The following KCNC2 variants were observed in gnomAD, a reference collection of about 807,000 sequenced individuals.
KCNC2 encodes potassium voltage-gated channel subfamily C member 2.
KCNC2 carries 21 observed loss-of-function variants against 44.5 expected under a neutral mutation model. The ratio of observed to expected loss-of-function variants is 0.47; its 90% confidence interval spans 0.33 to 0.68. The LOEUF is 0.68. Ranked by LOEUF, KCNC2 falls within the 30% of genes least tolerant of loss-of-function variation. KCNC2 has a pLI of 0.01. For missense variants in KCNC2, 589 were observed against 826.2 expected (o/e 0.71, Z 3.52); for synonymous variants, 391 against 339.1 (o/e 1.15, Z -1.68).
At chr12:75,043,324 G>A (rs1207944856) in intron 4 of KCNC2, 83 bp from the exon 5 acceptor site, 3 of 1,520,530 alleles carry the variant, frequency 2.0e-6, no homozygotes, top group African/African-American at 2.8e-5. Flanking sequence ...GCAATCAAAA[G>A]TGCTACTTTC....
intron 2 of KCNC2, among the ~76,000 whole-genome samples, chr12:75,199,396 T>TAC (rs2031051682): frequency 6.6e-6 from 1 of 151,812 alleles, no homozygotes; most frequent in Non-Finnish European, 1.5e-5. Context: ...TGATCAACTT[T>TAC]CAGGAAAGAA....
In KCNC2 at chr12:75,207,400, G is replaced by T. The variant is rs1264002756; in HGVS notation, c.584C>A (p.Ala195Glu). ...LAAKRLGIED[A>E]AGLGGPDGKS... Reference sequence around the variant, plus strand: ...GCCGTCGGGGCCCCCGAGCCCCGCCGCGTCCTCGATGCCCAGCCTCTTGGC... The same window carrying T: ...GCCGTCGGGGCCCCCGAGCCCCGCCTCGTCCTCGATGCCCAGCCTCTTGGC... The change falls in exon 2 of 5, where the codon GCG becomes GAG. Residue 195 changes from alanine (A) to glutamate (E), a missense_variant. Physicochemically the swap from Ala to Glu is moderately radical, Grantham distance 107. Coordinates refer to ENST00000549446, the MANE Select transcript of KCNC2 (RefSeq NM_139137.4). The surrounding 1 kb of genome is among the most constrained non-coding windows in gnomAD (Gnocchi z 4.1). 5 of 1,592,174 alleles carry T rather than the reference G, an allele frequency of 3.1e-6. No individual in the cohort carries two copies. The highest frequency in any genetic ancestry group is 2.3e-5 in the East Asian group (1 of 43,772).
chr12:75,185,183 T>A (rs569954869), intron 2 of KCNC2, among the ~76,000 whole-genome samples: 9 of 152,314 alleles, frequency 5.9e-5, no homozygotes, highest in African/African-American at 1.9e-4. Context: ...TATATTTAAT[T>A]AGGTAGTAGA....
At chr12:75,145,412 A>C (rs79391673) in intron 2 of KCNC2, among the ~76,000 whole-genome samples, 17,343 of 152,050 alleles carry the variant, frequency 0.11, 1,136 homozygotes, top group African/African-American at 0.16. Flanking sequence ...GTTTATTTAC[A>C]TGCTGGGTCT....
At chr12:75,118,053 A>G (rs1565869587) in intron 2 of KCNC2, among the ~76,000 whole-genome samples, 1 of 152,180 alleles carries the variant, frequency 6.6e-6, no homozygotes, top group Non-Finnish European at 1.5e-5. Flanking sequence ...TCATTTTTGT[A>G]ACTCAGTCCT....
intron 2 of KCNC2, among the ~76,000 whole-genome samples, chr12:75,154,859 A>G (rs143193916): frequency 0.016 from 2,477 of 152,160 alleles, 73 homozygotes; most frequent in African/African-American, 0.055. Context: ...TACAATAGTT[A>G]CAACACAGCA....
chr12:75,151,502 G>GAGAAAT (rs979326763), intron 2 of KCNC2, among the ~76,000 whole-genome samples: 65 of 151,964 alleles, frequency 4.3e-4, no homozygotes, highest in Middle Eastern at 3.4e-3. Context: ...AAAATTTTAA[G>GAGAAAT]AGAAATGAAT....
Position 75,050,947 on chromosome 12 carries a change from A to G in KCNC2, c.1058T>C (p.Val353Ala). The change falls in exon 3 of 5, where the codon GTG (valine) becomes GCG (alanine). Residue 353 changes from valine (V) to alanine (A), a missense_variant. Transcript: ENST00000549446. ...VLGFLRVVRFVRILRIFKLTR... is the reference protein window; with the variant it reads ...VLGFLRVVRFARILRIFKLTR... Reference sequence around the variant, plus strand: ...GAGCTTGAAAATTCTCAGGATCCTCACAAACCTTACCACCCTGAGGAAGCC... The same window carrying G: ...GAGCTTGAAAATTCTCAGGATCCTCGCAAACCTTACCACCCTGAGGAAGCC... The G allele has an allele frequency of 6.2e-7, 1 of 1,613,744 alleles. No homozygotes were observed. Among genetic ancestry groups the G allele is most frequent in the Non-Finnish European group, 8.5e-7 (1 of 1,179,888 alleles).
chr12:75,073,424 C>T (rs1322084252), intron 2 of KCNC2, among the ~76,000 whole-genome samples: 1 of 152,164 alleles, frequency 6.6e-6, no homozygotes, highest in Non-Finnish European at 1.5e-5. Flanking sequence ...TGTATCTTCT[C>T]ACTTCTTGAG....
intron 2 of KCNC2, among the ~76,000 whole-genome samples, chr12:75,135,832 T>G (rs933836261): frequency 6.6e-6 from 1 of 152,048 alleles, no homozygotes; most frequent in African/African-American, 2.4e-5. Context: ...AATCTTTAAT[T>G]GTGTGCTATG....
chr12:75,202,930 CA>C (rs2031404540), intron 2 of KCNC2, among the ~76,000 whole-genome samples: 1 of 151,276 alleles, frequency 6.6e-6, no homozygotes, highest in African/African-American at 2.4e-5. Flanking sequence ...TCATTGAAGG[CA>C]AAGGATTATA....
At chr12:75,205,278 A>T (rs1240611807) in intron 2 of KCNC2, among the ~76,000 whole-genome samples, 1 of 152,130 alleles carries the variant, frequency 6.6e-6, no homozygotes, top group Non-Finnish European at 1.5e-5. Flanking sequence ...CCTCATCTAC[A>T]GTATAAAGGG....
chr12:75,143,792 A>G (rs1889824956), intron 2 of KCNC2, among the ~76,000 whole-genome samples: 1 of 152,226 alleles, frequency 6.6e-6, no homozygotes, highest in Admixed American at 6.5e-5. Flanking sequence ...ACCTGCAAAA[A>G]TAATAGAAAA....
intron 2 of KCNC2, among the ~76,000 whole-genome samples, chr12:75,156,708 C>A (rs922348319): frequency 6.6e-6 from 1 of 151,794 alleles, no homozygotes; most frequent in Non-Finnish European, 1.5e-5. Context: ...ACAATAAATA[C>A]TCTAATATAG....
intron 2 of KCNC2, among the ~76,000 whole-genome samples, chr12:75,083,851 A>G (rs370102623): frequency 2.0e-5 from 3 of 152,004 alleles, no homozygotes; most frequent in Admixed American, 1.3e-4. Context: ...GAAATGTACT[A>G]TACAATAATT....
At chr12:75,200,568 GT>G (rs2031162682) in intron 2 of KCNC2, among the ~76,000 whole-genome samples, 1 of 151,490 alleles carries the variant, frequency 6.6e-6, no homozygotes, top group Non-Finnish European at 1.5e-5. Context: ...GTATGTGTCT[GT>G]ATTACAACAG....
At chr12:75,065,485 T>A (rs1263932358) in intron 2 of KCNC2, among the ~76,000 whole-genome samples, 2 of 152,140 alleles carry the variant, frequency 1.3e-5, no homozygotes, top group Admixed American at 6.6e-5. Context: ...TAATGATATT[T>A]CAGTCAATAA....
rs1213650515 is a variant in KCNC2 at position 75,041,142 on chromosome 12, G to A, written c.*1963C>T. The stretch of plus-strand genomic sequence containing the variant: ...GAAGTCTGTTTCCAGTATAGTCCTT[G>A]GTATGGCTAAATTCCACTGTCCCTT... On this transcript the variant is annotated 3_prime_UTR_variant, in exon 5 of 5. Coordinates refer to ENST00000549446, the MANE Select transcript of KCNC2 (RefSeq NM_139137.4). 1.3e-6 allele frequency: 2 copies of A among 1,596,540 alleles called. No individual in the cohort carries two copies. The highest frequency in any genetic ancestry group is 2.7e-5 in the African/African-American group (2 of 74,776).
At chr12:75,161,155 T>TA (rs1049163344) in intron 2 of KCNC2, among the ~76,000 whole-genome samples, 5 of 151,714 alleles carry the variant, frequency 3.3e-5, no homozygotes, top group African/African-American at 1.2e-4. Flanking sequence ...TATCCTAATA[T>TA]AAAAACTCAG....
Sources: allele counts gnomAD v4.1 joint callset (sites outside exome capture counted in the v4.1 genomes callset), GRCh38; gene constraint gnomAD v4.1.1; non-coding constraint Gnocchi (gnomAD v3.1); transcripts MANE v1.5; gene names NCBI Gene and HGNC (gene_info 2026-07-23, HGNC 2026-07-21).